SLC30A9: variants seen among roughly 807,000 people sequenced by gnomAD.
SLC30A9 encodes proton-coupled zinc antiporter SLC30A9, mitochondrial.
Under a neutral mutation model 87.5 loss-of-function variants are expected in SLC30A9, and 58 were observed. The ratio of observed to expected loss-of-function variants is 0.66; its 90% CI spans 0.54 to 0.82. The LOEUF is 0.82. Ranked by LOEUF, SLC30A9 falls within the 40% of genes least tolerant of loss-of-function variation. SLC30A9 has a pLI of 0.00. For synonymous variants in SLC30A9, 234 were observed against 233.0 expected, an observed-to-expected ratio of 1.00 and a Z score of -0.04; for missense variants, 557 against 679.1, an observed-to-expected ratio of 0.82 and a Z score of 2.00.
In SLC30A9 at chr4:42,038,999, C is replaced by T. The variant is rs201359194; in HGVS notation, c.683C>T (p.Thr228Ile). 1.2e-6 allele frequency: 2 copies of T among 1,613,612 alleles called. No homozygotes were observed. The highest frequency in any genetic ancestry group is 2.2e-5 in the East Asian group (1 of 44,834). ...FLGNTKPRSRTASVFFKGPGK... is the reference protein window; with the variant it reads ...FLGNTKPRSRIASVFFKGPGK... ...GTTTTTTTACAGCCACGCTCCAGAACAGCATCAGTGTTTTTTAAGGGACCA... is the reference window on the plus strand; with the variant it reads ...GTTTTTTTACAGCCACGCTCCAGAATAGCATCAGTGTTTTTTAAGGGACCA... The change falls in exon 8 of 18, where the codon ACA (threonine) becomes ATA (isoleucine). Residue 228 changes from threonine to isoleucine, a missense_variant. Physicochemically the swap from Thr to Ile is moderately conservative, Grantham distance 89. This residue lies in a region of SLC30A9 where 467 missense variants were observed against 529.8 expected (regional missense o/e 0.88). Coordinates refer to ENST00000264451, the MANE Select transcript of SLC30A9 (RefSeq NM_006345.4).
At chr4:42,013,857 A>G (rs1166861015) in intron 2 of SLC30A9, among the ~76,000 whole-genome samples, 1 of 152,228 alleles carries the variant, frequency 6.6e-6, no homozygotes, top group African/African-American at 2.4e-5. Context: ...GTTAGATCCC[A>G]CAAGCACAGG....
At chr4:42,032,175 A>T (rs1458466375) in intron 6 of SLC30A9, among the ~76,000 whole-genome samples, 4 of 152,096 alleles carry the variant, frequency 2.6e-5, no homozygotes, top group African/African-American at 9.7e-5. Context: ...GATATTGCTA[A>T]ATCATTCATG....
In SLC30A9 at chr4:42,038,965, A is replaced by G. The variant is rs759666139; in HGVS notation, c.670-21A>G. 7 of 1,609,262 alleles carry G rather than the reference A, an allele frequency of 4.3e-6. No homozygotes were observed. The East Asian group carries it at 1.3e-4, about 31-fold the overall frequency. On this transcript the variant is annotated intron_variant, in intron 7 of 17. Transcript: ENST00000264451. Reference sequence around the variant, plus strand: ...CTGCAAAATTTTGGAGGTATTAAAAAAAGTTTTTGTTTTTTTACAGCCACG... The same window carrying G: ...CTGCAAAATTTTGGAGGTATTAAAAGAAGTTTTTGTTTTTTTACAGCCACG...
chr4:42,023,658 A>G (rs1716068981), intron 6 of SLC30A9, among the ~76,000 whole-genome samples: 2 of 152,212 alleles, frequency 1.3e-5, no homozygotes, highest in Admixed American at 6.5e-5. Context: ...TATCTGATTT[A>G]AAGATTATAC....
At chr4:42,026,236 C>G (rs1716187016) in intron 6 of SLC30A9, among the ~76,000 whole-genome samples, 2 of 152,180 alleles carry the variant, frequency 1.3e-5, no homozygotes, top group Admixed American at 6.5e-5. Flanking sequence ...CCTGGAAATT[C>G]TGGTGTACTA....
intron 9 of SLC30A9, among the ~76,000 whole-genome samples, chr4:42,052,911 A>G (rs1380660569): frequency 6.6e-6 from 1 of 152,252 alleles, no homozygotes; most frequent in Non-Finnish European, 1.5e-5. Flanking sequence ...TTGCTCATTG[A>G]AAGACATCCT....
chr4:42,086,903 GA>G lies in SLC30A9; in HGVS notation c.*778del, dbSNP rs1359351151. On this transcript the variant is annotated 3_prime_UTR_variant, in exon 18 of 18. Transcript: ENST00000264451. ...CCAGTGTGATGACTTTTTTTTAAAT[GA>G]GGTTCAGTACCATAATGTTTATTTA... 1.3e-5 allele frequency: 2 copies of G among 152,168 alleles called. No homozygotes were observed. Among genetic ancestry groups the G allele is most frequent in the East Asian group, 3.9e-4 (2 of 5,170 alleles). The allele number at this position is 152,168 out of a possible 1,614,324, so 9.4% of individuals were successfully genotyped here.
intron 2 of SLC30A9, among the ~76,000 whole-genome samples, chr4:42,015,342 CTT>C (rs1389919210): frequency 6.6e-6 from 1 of 151,762 alleles, no homozygotes; most frequent in Non-Finnish European, 1.5e-5. Flanking sequence ...ATATAGAAAA[CTT>C]TTTCAATCTA....
intron 9 of SLC30A9, 35 bp downstream of exon 9, chr4:42,049,514 A>G (rs765081701): frequency 8.7e-7 from 1 of 1,151,978 alleles, no homozygotes; most frequent in South Asian, 1.5e-5. Context: ...AGTCAATTTT[A>G]AAGTAATAGT....
intron 15 of SLC30A9, among the ~76,000 whole-genome samples, chr4:42,075,040 T>C (rs1410944103): frequency 1.7e-4 from 2 of 11,738 alleles, no homozygotes; most frequent in African/African-American, 7.2e-4. Context: ...TATATATATA[T>C]ATATATATAT....
At chr4:42,044,371 C>A (rs1399073240) in intron 8 of SLC30A9, among the ~76,000 whole-genome samples, 6 of 98,068 alleles carry the variant, frequency 6.1e-5, no homozygotes, top group African/African-American at 6.1e-5. Flanking sequence ...GAATATTTAC[C>A]AAGTAAATGG....
chr4:41,999,797 C>T (rs991532249), intron 1 of SLC30A9, among the ~76,000 whole-genome samples: 4 of 151,664 alleles, frequency 2.6e-5, no homozygotes, highest in African/African-American at 9.7e-5. Flanking sequence ...AAAATTGTAA[C>T]ATTTGTAACA....
At chr4:42,026,117 A>G (rs1191976143) in intron 6 of SLC30A9, among the ~76,000 whole-genome samples, 1 of 152,220 alleles carries the variant, frequency 6.6e-6, no homozygotes, top group Non-Finnish European at 1.5e-5. Flanking sequence ...GGTGTGTGCC[A>G]CCGTGTCTAG....
chr4:42,064,309 C>A (rs1055746568), intron 11 of SLC30A9, among the ~76,000 whole-genome samples: 1 of 152,168 alleles, frequency 6.6e-6, no homozygotes, highest in East Asian at 1.9e-4. Context: ...GATGGTATAA[C>A]ACCTCCTTTT....
intron 12 of SLC30A9, 60 bp from the exon 13 acceptor site, chr4:42,066,490 A>G (rs556712080): frequency 4.8e-6 from 5 of 1,041,614 alleles, no homozygotes; most frequent in Middle Eastern, 2.1e-4. Flanking sequence ...TTGAGATGCC[A>G]TCTTTAAAGT....
At chr4:42,018,225 T>C in intron 3 of SLC30A9, 55 bp downstream of exon 3, 4 of 1,013,492 alleles carry the variant, frequency 3.9e-6, no homozygotes, top group Non-Finnish European at 6.0e-6. Context: ...ATTAAATATA[T>C]AACATTGGTT....
intron 3 of SLC30A9, among the ~76,000 whole-genome samples, chr4:42,019,245 A>G (rs1715841421): frequency 6.6e-6 from 1 of 152,210 alleles, no homozygotes; most frequent in Non-Finnish European, 1.5e-5. Context: ...ACAATTCGAA[A>G]TAGAACACAT....
In SLC30A9 at chr4:42,045,614, C is replaced by T. The variant is rs192199701; in HGVS notation, c.738-3763C>T. ...AAAAAAAAAAAAGCCCAGGACTAGA[C>T]GGATTCACAGCCAAATTCTACCAGA... On this transcript the variant is annotated intron_variant, in intron 8 of 17. Coordinates refer to ENST00000264451, the MANE Select transcript of SLC30A9 (RefSeq NM_006345.4). 1.6e-4 allele frequency among the ~76,000 whole-genome samples: 24 copies of T among 149,762 alleles called. No homozygotes were observed. In the East Asian group the frequency reaches 2.5e-3, roughly 16 times the overall value.
chr4:42,054,550 G>A (rs1325276074), intron 9 of SLC30A9, among the ~76,000 whole-genome samples: 3 of 151,144 alleles, frequency 2.0e-5, no homozygotes, highest in African/African-American at 4.9e-5. Context: ...GAGTGCAATG[G>A]CATGATCTCA....
Sources: gnomAD v4.1 joint callset for allele counts (sites outside exome capture counted in the v4.1 genomes callset) on GRCh38, gnomAD v4.1.1 for gene constraint, gnomAD v4.1.1 regional missense constraint, MANE v1.5 for transcripts, NCBI Gene and HGNC (gene_info 2026-07-23, HGNC 2026-07-21) for gene names.